The following GTF2IRD2B variants were observed in gnomAD, a reference collection of about 807,000 sequenced individuals.
GTF2IRD2B encodes the protein GTF2I repeat domain containing 2B, also known as general transcription factor II-I repeat domain-containing protein 2B.
In GTF2IRD2B, 10 loss-of-function variants were observed where a neutral mutation model predicts 55.6. The observed-to-expected ratio is 0.18, with a 90% CI of 0.11 to 0.31. GTF2IRD2B has a LOEUF of 0.31. GTF2IRD2B is among the 10% of genes least tolerant of loss of function. The pLI is 1.00. For missense variants in GTF2IRD2B, 206 were observed against 802.7 expected (o/e 0.26, Z 8.98); for synonymous variants, 107 against 320.5 (o/e 0.33, Z 7.12).
intron 3 of GTF2IRD2B, among the ~76,000 whole-genome samples, chr7:75,116,856 C>G (rs1231290085): frequency 2.6e-5 from 4 of 151,068 alleles, no homozygotes; most frequent in African/African-American, 9.7e-5. Context: ...CATTGGCCAG[C>G]ATAGTCTCAA....
At chr7:75,137,105 A>G (rs1332370250) in intron 11 of GTF2IRD2B, among the ~76,000 whole-genome samples, 1 of 151,162 alleles carries the variant, frequency 6.6e-6, no homozygotes, top group Non-Finnish European at 1.5e-5. Flanking sequence ...TGGGAGGCTG[A>G]GACAGGAGGA....
intron 10 of GTF2IRD2B, among the ~76,000 whole-genome samples, chr7:75,136,145 G>GATAATAATAATAATA (rs55650303): frequency 1.1e-5 from 1 of 92,888 alleles, no homozygotes; most frequent in African/African-American, 5.1e-5. Context: ...TCTCAATAAT[G>GATAATAATAATAATA]ATAATAATAA....
chr7:75,145,865 TG>T (rs1809132387), intron 15 of GTF2IRD2B, among the ~76,000 whole-genome samples: 1 of 107,768 alleles, frequency 9.3e-6, no homozygotes, highest in Non-Finnish European at 1.9e-5. Flanking sequence ...GTATTATTAT[TG>T]GGGTTTTTTA....
intron 3 of GTF2IRD2B, among the ~76,000 whole-genome samples, chr7:75,115,096 CTT>C (rs60983909): frequency 0.2 from 8,338 of 42,108 alleles, 47 homozygotes; most frequent in East Asian, 0.37. Context: ...TCGTGCCCAG[CTT>C]TTTTTTTTTT....
chr7:75,147,441 C>T (rs1554533024), intron 15 of GTF2IRD2B, among the ~76,000 whole-genome samples: 21 of 151,870 alleles, frequency 1.4e-4, no homozygotes, highest in African/African-American at 3.6e-4. Context: ...TCAAAAACAA[C>T]GACAACAAAA....
chr7:75,148,379 G>C lies in GTF2IRD2B; in HGVS notation c.1932G>C (p.Lys644Asn), dbSNP rs1236873966. 6.2e-7 allele frequency: 1 copy of C among 1,611,576 alleles called. No individual in the cohort carries two copies. The highest frequency in any genetic ancestry group is 8.5e-7 in the Non-Finnish European group (1 of 1,178,506). The change falls in exon 16 of 16, where the codon AAG (lysine) becomes AAC (asparagine). Residue 644 changes from lysine to asparagine, a missense_variant. Physicochemically the swap from Lys to Asn is moderately conservative, Grantham distance 94. Transcript: ENST00000472837. ...AGTCCAGGGTGGCGACGTTCTGCAAGGGTGCGGAACTGAAGTCCATCTGTT... is the reference window on the plus strand; with the variant it reads ...AGTCCAGGGTGGCGACGTTCTGCAACGGTGCGGAACTGAAGTCCATCTGTT... ...KLKSRVATFC[K>N]GAELKSICCI...
intron 1 of GTF2IRD2B, among the ~76,000 whole-genome samples, chr7:75,104,960 G>A (rs1807730338): frequency 6.6e-6 from 1 of 152,296 alleles, no homozygotes; most frequent in Admixed American, 6.5e-5. Context: ...TGGTGTGGGA[G>A]GCAGAAGCAG....
chr7:75,114,003 A>G (rs1303447137), intron 3 of GTF2IRD2B, among the ~76,000 whole-genome samples: 14 of 149,986 alleles, frequency 9.3e-5, no homozygotes, highest in Non-Finnish European at 1.9e-4. Context: ...AATTATATAT[A>G]TATATGTATG....
chr7:75,124,307 G>T (rs1554536008), intron 6 of GTF2IRD2B, among the ~76,000 whole-genome samples: 1 of 152,310 alleles, frequency 6.6e-6, no homozygotes, highest in Non-Finnish European at 1.5e-5. Flanking sequence ...TGTAGAGTTT[G>T]CAGTGAGCCA....
intron 1 of GTF2IRD2B, among the ~76,000 whole-genome samples, chr7:75,106,099 G>T (rs1283262210): frequency 5.9e-5 from 9 of 152,418 alleles, no homozygotes; most frequent in Non-Finnish European, 1.2e-4. Context: ...TCCACACTTA[G>T]CTCCCTTACA....
chr7:75,103,438 C>T (rs1807648496), intron 1 of GTF2IRD2B, among the ~76,000 whole-genome samples: 1 of 150,986 alleles, frequency 6.6e-6, no homozygotes, highest in Admixed American at 6.6e-5. Flanking sequence ...TGGCCCGATG[C>T]CTCCTCTGGT....
intron 3 of GTF2IRD2B, among the ~76,000 whole-genome samples, chr7:75,119,104 G>A (rs1460485023): frequency 7.9e-6 from 1 of 126,834 alleles, no homozygotes; most frequent in African/African-American, 3.1e-5. Flanking sequence ...TGAGGCACAA[G>A]AATTGCTTGA....
At chr7:75,114,202 A>G (rs142553584) in intron 3 of GTF2IRD2B, among the ~76,000 whole-genome samples, 1 of 151,298 alleles carries the variant, frequency 6.6e-6, no homozygotes, top group Non-Finnish European at 1.5e-5. Context: ...AAGAAGACAG[A>G]TTAAAAAATG....
intron 3 of GTF2IRD2B, among the ~76,000 whole-genome samples, chr7:75,114,718 T>C (rs1401654478): frequency 3.3e-5 from 5 of 151,682 alleles, no homozygotes; most frequent in Non-Finnish European, 7.4e-5. Context: ...TTAATTTACA[T>C]AGGATAATGG....
At chr7:75,112,299 T>C (rs1807997166) in intron 2 of GTF2IRD2B, 98 bp from the exon 3 acceptor site, 5 of 266,852 alleles carry the variant, frequency 1.9e-5, no homozygotes, top group South Asian at 1.4e-4. Flanking sequence ...AATATTCCTT[T>C]TGCTACCTAA....
intron 8 of GTF2IRD2B, among the ~76,000 whole-genome samples, chr7:75,127,468 C>CA (rs71246071): frequency 0.096 from 3,080 of 32,020 alleles, 193 homozygotes; most frequent in African/African-American, 0.11. Context: ...GACGTTGTCT[C>CA]AAAAAAAAAA....
Position 75,119,899 on chromosome 7 carries a change from C to T in GTF2IRD2B, c.239-992C>T, listed in dbSNP as rs587728078. On this transcript the variant is annotated intron_variant, in intron 3 of 15. Coordinates refer to ENST00000472837, the MANE Select transcript of GTF2IRD2B (RefSeq NM_001003795.3). ...ATCCCAGCACTTTGGGAGGCCGAGG[C>T]AGGCGGATCACGAGGTCAGGAGATC... Among the ~76,000 whole-genome samples the T allele has an allele frequency of 1.9e-4, 21 of 110,670 alleles. 6 individuals carry two copies. The highest frequency in any genetic ancestry group is 4.3e-4 in the African/African-American group (10 of 23,128). The allele number at this position is 110,670 out of a possible 152,430, so 72.6% of individuals were successfully genotyped here.
chr7:75,109,424 C>T (rs1430604078), intron 2 of GTF2IRD2B, among the ~76,000 whole-genome samples: 7 of 140,940 alleles, frequency 5.0e-5, no homozygotes, highest in African/African-American at 1.7e-4. Flanking sequence ...CTGCAACCTC[C>T]GCCTCCCGGG....
At chr7:75,113,816 G>GTGTGTGTA (rs1808047776) in intron 3 of GTF2IRD2B, among the ~76,000 whole-genome samples, 2 of 136,204 alleles carry the variant, frequency 1.5e-5, no homozygotes, top group African/African-American at 2.8e-5. Context: ...GTGTGTGTGT[G>GTGTGTGTA]TATGTACAGA....
Sources: allele counts gnomAD v4.1 joint callset (sites outside exome capture counted in the v4.1 genomes callset), GRCh38; gene constraint gnomAD v4.1.1; transcripts MANE v1.5; gene names NCBI Gene and HGNC (gene_info 2026-07-23, HGNC 2026-07-21).